The following HSF5 variants were observed in gnomAD, a reference collection of about 807,000 sequenced individuals.
HSF5 encodes the protein heat shock factor protein 5.
In HSF5, 5 loss-of-function variants were observed where a neutral mutation model predicts 50.8. That is an observed-to-expected ratio of 0.10 (90% confidence interval 0.05 to 0.21). The LOEUF is 0.21. Ranked by LOEUF, HSF5 falls within the 10% of genes least tolerant of loss-of-function variation. HSF5 has a pLI of 1.00. For synonymous variants in HSF5, 307 were observed against 307.4 expected (o/e 1.00, Z 0.02); for missense variants, 564 against 762.6 (o/e 0.74, Z 3.07).
At chr17:58,477,238 T>C (rs913427326) in intron 2 of HSF5, among the ~76,000 whole-genome samples, 5 of 149,042 alleles carry the variant, frequency 3.4e-5, no homozygotes, top group African/African-American at 1.2e-4. Flanking sequence ...TCCTGCCTCA[T>C]CCTCCCGAGT....
chr17:58,420,386 A>T lies in HSF5; in HGVS notation c.*1974T>A, dbSNP rs1213240157. On this transcript the variant is annotated 3_prime_UTR_variant, in exon 6 of 6. Coordinates refer to ENST00000323777, the MANE Select transcript of HSF5 (RefSeq NM_001080439.3). Reference sequence around the variant, plus strand: ...ATACAAGGCGTGTAAGGATAGCAGGAGATCCAGCTCCTTGGTCTGCTGTAT... The same window carrying T: ...ATACAAGGCGTGTAAGGATAGCAGGTGATCCAGCTCCTTGGTCTGCTGTAT... 6.6e-6 allele frequency: 1 copy of T among 152,210 alleles called. No homozygotes were observed. Among genetic ancestry groups the T allele is most frequent in the East Asian group, 1.9e-4 (1 of 5,202 alleles). The allele number at this position is 152,210 out of a possible 1,614,324, so 9.4% of individuals were successfully genotyped here.
At chr17:58,474,974 T>G (rs906797239) in intron 2 of HSF5, among the ~76,000 whole-genome samples, 1 of 152,172 alleles carries the variant, frequency 6.6e-6, no homozygotes, top group East Asian at 1.9e-4. Context: ...CCATTTTCTA[T>G]GTAACATGGT....
In HSF5 at chr17:58,476,174, T is replaced by C. The variant is rs1310064919; in HGVS notation, c.925+3719A>G. The C allele has an allele frequency of 1.2e-5, 12 of 1,003,668 alleles. No homozygotes were observed. The East Asian group carries it at 2.6e-4, about 22-fold the overall frequency. The allele number at this position is 1,003,668 out of a possible 1,614,324, so 62.2% of individuals were successfully genotyped here. A position where few individuals can be genotyped will look rare whatever the true frequency, so the allele number is the denominator to read the frequency against. ...CTTCTCTCCTTCCTCCCCTTCATCA[T>C]CATCTTCATCTTCTTCATCTTCCTC... On this transcript the variant is annotated intron_variant, in intron 2 of 5. Coordinates refer to ENST00000323777, the MANE Select transcript of HSF5 (RefSeq NM_001080439.3).
chr17:58,476,317 C>A (rs1975011346), intron 2 of HSF5: 1 of 1,090,952 alleles, frequency 9.2e-7, no homozygotes, highest in Non-Finnish European at 1.4e-6. Context: ...TGGCCAAATA[C>A]CATCTTTGAT....
At chr17:58,466,688 T>C (rs1389770239) in intron 3 of HSF5, among the ~76,000 whole-genome samples, 197 bp downstream of exon 3, 1 of 152,154 alleles carries the variant, frequency 6.6e-6, no homozygotes, top group African/African-American at 2.4e-5. Context: ...TATTGAACAG[T>C]TCTGGCCTAG....
At chr17:58,477,643 G>C (rs1975035477) in intron 2 of HSF5, among the ~76,000 whole-genome samples, 1 of 151,622 alleles carries the variant, frequency 6.6e-6, no homozygotes, top group Non-Finnish European at 1.5e-5. Flanking sequence ...TGTATTTTTA[G>C]TAGAGACAGG....
chr17:58,460,548 C>T (rs966260766), intron 4 of HSF5, among the ~76,000 whole-genome samples: 18 of 149,636 alleles, frequency 1.2e-4, no homozygotes, highest in Admixed American at 4.6e-4. Flanking sequence ...CTCGCTCTGT[C>T]GCCCAGGCTG....
At chr17:58,442,244 C>G (rs1974508310) in intron 5 of HSF5, among the ~76,000 whole-genome samples, 1 of 152,112 alleles carries the variant, frequency 6.6e-6, no homozygotes, top group Non-Finnish European at 1.5e-5. Context: ...GTCACCTAGC[C>G]AAAGATTTCT....
intron 4 of HSF5, 99 bp from the exon 5 acceptor site, chr17:58,459,044 C>T: frequency 9.6e-7 from 1 of 1,043,124 alleles, no homozygotes; most frequent in Middle Eastern, 2.2e-4. Flanking sequence ...GAACATGATC[C>T]AACAAACAAG....
rs914720548 is a variant in HSF5 at position 58,421,249 on chromosome 17, C to A, written c.*1111G>T. The A allele has an allele frequency of 6.6e-6, 1 of 152,620 alleles. No individual in the cohort carries two copies. The highest frequency in any genetic ancestry group is 1.5e-5 in the Non-Finnish European group (1 of 68,032). 9.5% of individuals were successfully genotyped at this position (152,620 alleles called of 1,614,324 possible). ...AGGGATAAGAAAAAAATGTTACCAT[C>A]TATCCCATTATCCAAAATTCTCTCA... On this transcript the variant is annotated 3_prime_UTR_variant, in exon 6 of 6. Transcript: ENST00000323777.
At chr17:58,436,747 A>T (rs1339438890) in intron 5 of HSF5, among the ~76,000 whole-genome samples, 1 of 152,146 alleles carries the variant, frequency 6.6e-6, no homozygotes, top group East Asian at 1.9e-4. Flanking sequence ...CCTTAAAAAC[A>T]TCAAAAAATA....
intron 1 of HSF5, among the ~76,000 whole-genome samples, chr17:58,482,464 T>C (rs1223027119): frequency 2.0e-5 from 3 of 151,444 alleles, no homozygotes; most frequent in African/African-American, 7.3e-5. Flanking sequence ...ACACTAGCAT[T>C]TTGGGAGGCT....
chr17:58,450,004 C>T (rs1212678157), intron 5 of HSF5, among the ~76,000 whole-genome samples: 2 of 104,138 alleles, frequency 1.9e-5, no homozygotes, highest in East Asian at 2.7e-4. Flanking sequence ...GCCTGGGTGA[C>T]AGAGCGAGAC....
chr17:58,431,984 A>C (rs1974370568), intron 5 of HSF5, among the ~76,000 whole-genome samples: 1 of 152,230 alleles, frequency 6.6e-6, no homozygotes, highest in Non-Finnish European at 1.5e-5. Flanking sequence ...CAGTTTTGCA[A>C]GATGAAAAGA....
intron 3 of HSF5, among the ~76,000 whole-genome samples, chr17:58,466,488 T>C (rs180826100): frequency 3.0e-4 from 45 of 152,338 alleles, no homozygotes; most frequent in South Asian, 2.1e-3. Context: ...CCATAAGCCA[T>C]ATGAAACTAC....
rs527883557 is a variant in HSF5, at chr17:58,451,671, A to G, written c.1720+7097T>C. Among the ~76,000 whole-genome samples the G allele has an allele frequency of 1.1e-4, 17 of 152,256 alleles. No individual in the cohort carries two copies. In the South Asian group the frequency reaches 3.1e-3, roughly 28 times the overall value. On this transcript the variant is annotated intron_variant, in intron 5 of 5. Coordinates refer to ENST00000323777, the MANE Select transcript of HSF5 (RefSeq NM_001080439.3). The stretch of plus-strand genomic sequence containing the variant: ...GTGGAAATGCAACTACCAAAAACCT[A>G]TGTGATACAGCAAATGCTGTCCTAC...
chr17:58,444,304 C>T (rs1282553280), intron 5 of HSF5, among the ~76,000 whole-genome samples: 2 of 152,160 alleles, frequency 1.3e-5, no homozygotes, highest in Non-Finnish European at 2.9e-5. Context: ...AGAGGACTCA[C>T]ACTTCTTGAT....
intron 1 of HSF5, among the ~76,000 whole-genome samples, chr17:58,484,767 T>A (rs886117390): frequency 2.0e-5 from 3 of 152,194 alleles, no homozygotes; most frequent in African/African-American, 7.2e-5. Context: ...GTTGGAACTT[T>A]AACCTAATCC....
rs1324691949 is a variant in HSF5, at chr17:58,458,913, T to C, written c.1575A>G (p.Ser525=). 1.2e-6 allele frequency: 2 copies of C among 1,613,228 alleles called. No individual in the cohort carries two copies. Among genetic ancestry groups the C allele is most frequent in the East Asian group, 4.5e-5 (2 of 44,886 alleles). Residue 525 remains serine, a synonymous_variant, in exon 5 of 6, where the codon TCA becomes TCG. Transcript: ENST00000323777. The stretch of plus-strand genomic sequence containing the variant: ...GTTCTGACGGCAAGATATTCTCACG[T>C]GAACTGGTCTGGCATTTTATGTTGG... ...VDANIKCQTS[S]RENILPSEQM...
Sources: gnomAD v4.1 joint callset for allele counts (sites outside exome capture counted in the v4.1 genomes callset) on GRCh38, gnomAD v4.1.1 for gene constraint, MANE v1.5 for transcripts, NCBI Gene and HGNC (gene_info 2026-07-23, HGNC 2026-07-21) for gene names.